The following IRAG2 variants were observed in gnomAD, a reference collection of about 807,000 sequenced individuals.
IRAG2 encodes inositol 1,4,5-triphosphate receptor associated 2.
A neutral mutation model predicts 69.9 loss-of-function variants in IRAG2; 45 were observed. The observed-to-expected ratio is 0.64, with a 90% CI of 0.51 to 0.83. IRAG2 has a LOEUF of 0.83. IRAG2 is among the 40% of genes least tolerant of loss of function. IRAG2 has a pLI of 0.00. For synonymous variants in IRAG2, 193 were observed against 202.4 expected, an observed-to-expected ratio of 0.95 and a Z score of 0.40; for missense variants, 520 against 587.0, an observed-to-expected ratio of 0.89 and a Z score of 1.18.
At chr12:25,082,609 A>AAAAG (rs1555140821) in intron 9 of IRAG2, among the ~76,000 whole-genome samples, 1 of 150,568 alleles carries the variant, frequency 6.6e-6, no homozygotes, top group African/African-American at 2.5e-5. Context: ...CAAAAAAAAA[A>AAAAG]CAAAAAACAA....
Position 25,108,117 on chromosome 12 carries a change from G to A in IRAG2, c.*57G>A, listed in dbSNP as rs1036066186. 1.4e-5 allele frequency: 22 copies of A among 1,567,724 alleles called. No individual in the cohort carries two copies. The highest frequency in any genetic ancestry group is 1.7e-4 in the Middle Eastern group (1 of 5,766). ...TTTTAAGTTTCAGTATCTGAACTTCGTAAATTAGTAACTTTTAGCTGGGAA... is the reference window on the plus strand; with the variant it reads ...TTTTAAGTTTCAGTATCTGAACTTCATAAATTAGTAACTTTTAGCTGGGAA... On this transcript the variant is annotated 3_prime_UTR_variant, in exon 22 of 22. Transcript: ENST00000556887.
intron 9 of IRAG2, among the ~76,000 whole-genome samples, chr12:25,080,365 T>A (rs1279822753): frequency 1.3e-5 from 2 of 151,466 alleles, no homozygotes; most frequent in Non-Finnish European, 2.9e-5. Context: ...CTTTTTTTTT[T>A]TTTTGAGACG....
At chr12:25,102,626 A>G (rs1221360953) in intron 17 of IRAG2, 1 of 184,426 alleles carries the variant, frequency 5.4e-6, no homozygotes, top group African/African-American at 2.4e-5. Context: ...CCAGGCACCA[A>G]GCCCTCATCA....
intron 11 of IRAG2, 109 bp downstream of exon 11, chr12:25,088,266 T>G: frequency 3.5e-5 from 30 of 860,522 alleles, no homozygotes; most frequent in Non-Finnish European, 4.8e-5. Context: ...TCTGCATCTC[T>G]GGATAAGGTC....
At position 25,052,970 on chromosome 12, in the gene IRAG2, A is replaced by T. The variant is rs542934572; in HGVS notation, c.-447+14A>T. ...GGAAACTGAAGAGTGAGTAGCAAAT[A>T]TTCATTTATGACCCAGTTTTTGTCC... is the stretch of plus-strand genomic sequence containing the variant. On this transcript the variant is annotated intron_variant, in intron 1 of 21. Coordinates refer to ENST00000556887, the MANE Select transcript of IRAG2 (RefSeq NM_001366544.2). 1 of 398,558 alleles carries T rather than the reference A, an allele frequency of 2.5e-6. No individual in the cohort carries two copies. The highest frequency in any genetic ancestry group is 2.1e-5 in the African/African-American group (1 of 48,742). The allele number at this position is 398,558 out of a possible 1,614,324, so 24.7% of individuals were successfully genotyped here. A position where few individuals can be genotyped will look rare whatever the true frequency, so the allele number is the denominator to read the frequency against.
intron 17 of IRAG2, 21 bp downstream of exon 17, chr12:25,102,262 C>A (rs993571092): frequency 1.9e-6 from 3 of 1,598,072 alleles, no homozygotes. Context: ...ATTCACTTAA[C>A]AAATGTCTAG....
Position 25,053,068 on chromosome 12 carries a change from C to T in IRAG2, c.-447+112C>T, listed in dbSNP as rs1944953757. The T allele has an allele frequency of 7.6e-6, 3 of 396,134 alleles. No homozygotes were observed. In the South Asian group the frequency reaches 4.3e-4, roughly 56 times the overall value. The allele number at this position is 396,134 out of a possible 1,614,324, so 24.5% of individuals were successfully genotyped here. A position where few individuals can be genotyped will look rare whatever the true frequency, so the allele number is the denominator to read the frequency against. The stretch of plus-strand genomic sequence containing the variant: ...TAGGATATTATTCCTGAGTTTATGA[C>T]AATGAAATGGTTTGAGAAGGCAATA... On this transcript the variant is annotated intron_variant, in intron 1 of 21. Transcript: ENST00000556887.
chr12:25,058,150 G>C (rs547627483), intron 1 of IRAG2, among the ~76,000 whole-genome samples: 1 of 152,280 alleles, frequency 6.6e-6, no homozygotes, highest in African/African-American at 2.4e-5. Context: ...AGCTGTGACT[G>C]TCACTTTTTA....
intron 15 of IRAG2, 137 bp from the exon 16 acceptor site, chr12:25,101,041 T>C (rs982017094): frequency 1.8e-5 from 11 of 624,714 alleles, no homozygotes; most frequent in African/African-American, 1.7e-4. Flanking sequence ...TGTAGATGCA[T>C]GTCTTTTTAA....
chr12:24,999,416 A>G (rs752398366), upstream of IRAG2, among the ~76,000 whole-genome samples: 5 of 152,198 alleles, frequency 3.3e-5, no homozygotes, highest in Non-Finnish European at 7.3e-5. Flanking sequence ...CTTTGACTGT[A>G]TGGAACAAGA....
chr12:25,107,512 C>T (rs1004510493), intron 21 of IRAG2, among the ~76,000 whole-genome samples: 1 of 151,874 alleles, frequency 6.6e-6, no homozygotes. Flanking sequence ...TTTGTTTCCA[C>T]TGTAGGAATA....
chr12:25,071,395 T>G (rs1397284685), intron 6 of IRAG2, among the ~76,000 whole-genome samples: 1 of 152,204 alleles, frequency 6.6e-6, no homozygotes, highest in East Asian at 1.9e-4. Context: ...TATATCTTGC[T>G]CTTACCTAGC....
chr12:25,101,146 A>G (rs1210890519), intron 15 of IRAG2, 32 bp from the exon 16 acceptor site: 1 of 1,568,048 alleles, frequency 6.4e-7, no homozygotes, highest in Non-Finnish European at 8.7e-7. Context: ...TAGTATTTTC[A>G]ATGTAAATGT....
At chr12:25,039,716 C>T (rs923359011) in intron 16 of IRAG2, among the ~76,000 whole-genome samples, 3 of 152,216 alleles carry the variant, frequency 2.0e-5, no homozygotes, top group Admixed American at 1.3e-4. Flanking sequence ...AGGCGTGAGC[C>T]ACCACACCCG....
At chr12:25,018,618 T>A (rs1323893256) in intron 6 of IRAG2, among the ~76,000 whole-genome samples, 1 of 152,234 alleles carries the variant, frequency 6.6e-6, no homozygotes, top group African/African-American at 2.4e-5. Context: ...CATTTCACAA[T>A]TGGCTTATTT....
rs1195368817 is a variant in IRAG2 at position 25,061,662 on chromosome 12, T to C, written c.-385+9T>C. 3 of 398,616 alleles carry C rather than the reference T, an allele frequency of 7.5e-6. No homozygotes were observed. The highest frequency in any genetic ancestry group is 8.8e-5 in the Admixed American group (2 of 22,738). 24.7% of individuals were successfully genotyped at this position (398,616 alleles called of 1,614,324 possible). On this transcript the variant is annotated intron_variant, in intron 2 of 21. Coordinates refer to ENST00000556887, the MANE Select transcript of IRAG2 (RefSeq NM_001366544.2). ...ATGGCTTGCTGTTTCAGGTAAAATA[T>C]CTCTGATATGTGTTCAGTTACTGTG...
chr12:25,060,577 C>A (rs1433402121), intron 1 of IRAG2, among the ~76,000 whole-genome samples: 1 of 150,888 alleles, frequency 6.6e-6, no homozygotes, highest in Admixed American at 6.6e-5. Flanking sequence ...GATCCTAGGG[C>A]TGTAATTTGA....
chr12:25,052,047 A>G (rs1944886561), upstream of IRAG2, among the ~76,000 whole-genome samples: 3 of 152,302 alleles, frequency 2.0e-5, no homozygotes, highest in Middle Eastern at 6.8e-3. Context: ...TAAGCGACCA[A>G]TAAGCTTTGC....
intron 9 of IRAG2, among the ~76,000 whole-genome samples, chr12:25,082,492 TGGGAGGCTGAGG>T (rs1405172481): frequency 6.6e-6 from 1 of 151,504 alleles, no homozygotes; most frequent in Non-Finnish European, 1.5e-5. Flanking sequence ...CCCAGACACT[TGGGAGGCTGAGG>T]GGGTAGGATC....
Sources: gnomAD v4.1 joint callset for allele counts (sites outside exome capture counted in the v4.1 genomes callset) on GRCh38, gnomAD v4.1.1 for gene constraint, MANE v1.5 for transcripts, NCBI Gene and HGNC (gene_info 2026-07-23, HGNC 2026-07-21) for gene names.